Variants in ARHGEF10 observed in about 807,000 individuals in gnomAD.
ARHGEF10 encodes the protein Rho guanine nucleotide exchange factor 10.
A neutral mutation model predicts 147.4 loss-of-function variants in ARHGEF10; 140 were observed. The observed-to-expected ratio is 0.95, with a 90% confidence interval of 0.83 to 1.09. ARHGEF10 has a LOEUF of 1.09. Ranked by LOEUF, ARHGEF10 falls within the 50% of genes least tolerant of loss-of-function variation. ARHGEF10 has a pLI of 0.00. For missense variants in ARHGEF10, 2,222 were observed against 1,752.7 expected (o/e 1.27, Z -4.78); for synonymous variants, 902 against 695.8 (o/e 1.30, Z -4.67).
In ARHGEF10 at chr8:1,829,679, C is replaced by T. The variant is rs549212012; in HGVS notation, c.-48+5566C>T. ...TGAGGAGAATTCCTTTCTCTGGAAG[C>T]TGTGGTCCTGTGTTATGTAGAATAG... On this transcript the variant is annotated intron_variant, in intron 1 of 28. Transcript: ENST00000349830. Among the ~76,000 whole-genome samples the T allele has an allele frequency of 1.1e-3, 172 of 152,330 alleles. 1 individual carries two copies. Among genetic ancestry groups the T allele is most frequent in the African/African-American group, 4.0e-3 (166 of 41,584 alleles).
At chr8:1,931,192 C>A (rs1226826178) in intron 25 of ARHGEF10, among the ~76,000 whole-genome samples, 3 of 152,252 alleles carry the variant, frequency 2.0e-5, no homozygotes, top group Non-Finnish European at 4.4e-5. Context: ...TCCCTGCTGC[C>A]TGTGTTCCTA....
Position 1,900,776 on chromosome 8 carries a change from T to C in ARHGEF10, c.1650+2251T>C, listed in dbSNP as rs1456945512. 2.6e-5 allele frequency among the ~76,000 whole-genome samples: 4 copies of C among 152,314 alleles called. No individual in the cohort carries two copies. The East Asian group carries it at 7.7e-4, about 29-fold the overall frequency. On this transcript the variant is annotated intron_variant, in intron 15 of 28. Coordinates refer to ENST00000349830, the MANE Select transcript of ARHGEF10 (RefSeq NM_014629.4). ...AAGACTTGCACTTAGAAAGATTCAG[T>C]GTGCTCTTCCAGATCGTCACCAGCA...
chr8:1,926,349 G>T lies in ARHGEF10; in HGVS notation c.2611-28G>T, dbSNP rs767564429. The T allele has an allele frequency of 1.0e-5, 16 of 1,582,446 alleles. No individual in the cohort carries two copies. The South Asian group carries it at 1.7e-4, about 16-fold the overall frequency. ...GGAGCCTCTTAGCTCTGTTTTATATGTGAGCGTTTGATTTTATTCCATTTT... is the reference window on the plus strand; with the variant it reads ...GGAGCCTCTTAGCTCTGTTTTATATTTGAGCGTTTGATTTTATTCCATTTT... On this transcript the variant is annotated intron_variant, in intron 22 of 28. Transcript: ENST00000349830.
intron 1 of ARHGEF10, among the ~76,000 whole-genome samples, chr8:1,837,885 A>G (rs1223270428): frequency 6.6e-6 from 1 of 152,146 alleles, no homozygotes; most frequent in Admixed American, 6.5e-5. Context: ...ATGGTGAGTC[A>G]AGGTGGTGAG....
At chr8:1,827,653 T>A (rs1167111673) in intron 1 of ARHGEF10, among the ~76,000 whole-genome samples, 1 of 152,230 alleles carries the variant, frequency 6.6e-6, no homozygotes, top group Non-Finnish European at 1.5e-5. Flanking sequence ...CTTCCATCAT[T>A]GCCATTTCCT....
rs78564748 is a variant in ARHGEF10, at chr8:1,827,994, A to G, written c.-48+3881A>G. 2.1e-3 allele frequency among the ~76,000 whole-genome samples: 319 copies of G among 152,302 alleles called. 2 individuals are homozygous for G. The highest frequency in any genetic ancestry group is 7.5e-3 in the African/African-American group (312 of 41,550). On this transcript the variant is annotated intron_variant, in intron 1 of 28. Transcript: ENST00000349830. The stretch of plus-strand genomic sequence containing the variant: ...GCTGCATCAGCATTGGCTAGTTACC[A>G]ATCTGGCCATTCTAGGTTCCAATAT...
chr8:1,861,315 C>T (rs757338248), intron 4 of ARHGEF10, among the ~76,000 whole-genome samples: 7 of 152,358 alleles, frequency 4.6e-5, no homozygotes, highest in South Asian at 2.1e-4. Flanking sequence ...GCGTGCAGTC[C>T]GTGGCTGCTT....
At chr8:1,845,757 C>A (rs554472076) in intron 2 of ARHGEF10, among the ~76,000 whole-genome samples, 1 of 152,336 alleles carries the variant, frequency 6.6e-6, no homozygotes, top group South Asian at 2.1e-4. Context: ...GCCCATCCAC[C>A]CATGGTCTCC....
At chr8:1,832,211 G>A (rs1476168783) in intron 1 of ARHGEF10, among the ~76,000 whole-genome samples, 1 of 144,698 alleles carries the variant, frequency 6.9e-6, no homozygotes, top group East Asian at 2.0e-4. Flanking sequence ...GGGATGGAGC[G>A]TCCGTAGATG....
chr8:1,955,789 A>T (rs558810430), intron 28 of ARHGEF10, among the ~76,000 whole-genome samples: 1 of 152,396 alleles, frequency 6.6e-6, no homozygotes, highest in East Asian at 1.9e-4. Flanking sequence ...GGCTCTGCTG[A>T]CATGGGCAGA....
At chr8:1,938,710 A>G (rs1813824979) in intron 26 of ARHGEF10, among the ~76,000 whole-genome samples, 1 of 152,158 alleles carries the variant, frequency 6.6e-6, no homozygotes, top group Non-Finnish European at 1.5e-5. Flanking sequence ...CTGAGGCAGG[A>G]GGACTGCTTG....
chr8:1,856,890 C>A (rs141316306), intron 2 of ARHGEF10, among the ~76,000 whole-genome samples: 5 of 152,180 alleles, frequency 3.3e-5, no homozygotes, highest in Non-Finnish European at 7.3e-5. Context: ...GGGTTCCTCT[C>A]GCTCCTGGGT....
At chr8:1,858,909 C>T (rs1039108507) in intron 3 of ARHGEF10, 201 of 88,546 alleles carry the variant, frequency 2.3e-3, no homozygotes, top group African/African-American at 7.3e-3. Flanking sequence ...TGTTTGCATG[C>T]CGTTTCTTTG....
At chr8:1,832,989 CAG>C (rs753981858) in intron 1 of ARHGEF10, among the ~76,000 whole-genome samples, 3,790 of 47,726 alleles carry the variant, frequency 0.079, 578 homozygotes, top group South Asian at 0.15. Context: ...GAGACAGAGA[CAG>C]AGGCAGAGAC....
intron 26 of ARHGEF10, among the ~76,000 whole-genome samples, chr8:1,939,555 C>G (rs1037076427): frequency 5.9e-5 from 9 of 152,242 alleles, no homozygotes; most frequent in African/African-American, 2.2e-4. Context: ...ACGGCAGCAG[C>G]AAAGCGTCAA....
At chr8:1,923,665 T>C (rs1001129336) in intron 20 of ARHGEF10, 70 bp downstream of exon 20, 1 of 1,613,862 alleles carries the variant, frequency 6.2e-7, no homozygotes, top group Non-Finnish European at 8.5e-7. Context: ...TGTCATGACA[T>C]GTATGTTTTT....
intron 7 of ARHGEF10, among the ~76,000 whole-genome samples, chr8:1,873,526 G>A (rs1330624041): frequency 8.9e-6 from 1 of 112,312 alleles, no homozygotes; most frequent in East Asian, 3.4e-4. Context: ...AGGCGCCCGC[G>A]GGGTAGTGCA....
rs143402036 is a variant in ARHGEF10 at position 1,892,922 on chromosome 8, A to G, written c.1183-647A>G. On this transcript the variant is annotated intron_variant, in intron 11 of 28. Transcript: ENST00000349830. ...CACGGGATCTTACAGCCACAAGTCT[A>G]TTGTATGTGCTTCAGTGATGAAAAG... 2.2e-3 allele frequency among the ~76,000 whole-genome samples: 332 copies of G among 152,180 alleles called. 1 individual carries two copies. The highest frequency in any genetic ancestry group is 7.7e-3 in the African/African-American group (320 of 41,526).
At chr8:1,929,786 C>T (rs1316695553) in intron 25 of ARHGEF10, among the ~76,000 whole-genome samples, 1 of 152,208 alleles carries the variant, frequency 6.6e-6, no homozygotes, top group Non-Finnish European at 1.5e-5. Context: ...GCCCGCCCGG[C>T]GGGGCCTCCT....
Sources: allele counts gnomAD v4.1 joint callset (sites outside exome capture counted in the v4.1 genomes callset), GRCh38; gene constraint gnomAD v4.1.1; transcripts MANE v1.5; gene names NCBI Gene and HGNC (gene_info 2026-07-23, HGNC 2026-07-21).